RFPL1: variants seen among roughly 807,000 people sequenced by gnomAD.
RFPL1 encodes ret finger protein like 1, also known as ret finger protein-like 1.
In RFPL1, 6 loss-of-function variants were observed where a neutral mutation model predicts 9.6. That is an observed-to-expected ratio of 0.62 (90% CI 0.34 to 1.23). The LOEUF (loss-of-function observed/expected upper bound fraction) is 1.23. Ranked by LOEUF, RFPL1 falls within the 50% of genes most tolerant of loss-of-function variation. The pLI is 0.03. For missense variants in RFPL1, 352 were observed against 398.4 expected, an observed-to-expected ratio of 0.88 and a Z score of 0.99; for synonymous variants, 145 against 149.4, an observed-to-expected ratio of 0.97 and a Z score of 0.22.
the RFPL1 span, among the ~76,000 whole-genome samples, chr22:29,399,038 G>A: frequency 3.9e-5 from 6 of 152,170 alleles, no homozygotes; most frequent in African/African-American, 9.7e-5. Flanking sequence ...TGTGTGTCAC[G>A]TGTTAAGGGC....
At chr22:29,422,808 T>TACACACAC in the RFPL1 span, among the ~76,000 whole-genome samples, 1,455 of 150,224 alleles carry the variant, frequency 9.7e-3, 18 homozygotes, top group African/African-American at 0.033. Flanking sequence ...AACACACACA[T>TACACACAC]ACACACACAC....
chr22:29,410,282 ATC>A, the RFPL1 span, among the ~76,000 whole-genome samples: 4 of 112,646 alleles, frequency 3.6e-5, no homozygotes, highest in African/African-American at 7.0e-5. Context: ...ATATATATAG[ATC>A]TATATATATG....
At chr22:29,420,920 C>G in the RFPL1 span, among the ~76,000 whole-genome samples, 9 of 152,068 alleles carry the variant, frequency 5.9e-5, no homozygotes, top group East Asian at 1.7e-3. Context: ...GGATTACAGG[C>G]GTGATCCACC....
At chr22:29,396,834 C>A in the RFPL1 span, among the ~76,000 whole-genome samples, 1 of 151,880 alleles carries the variant, frequency 6.6e-6, no homozygotes, top group South Asian at 2.1e-4. Flanking sequence ...AGTGATCCAC[C>A]CACCTTGGCC....
At chr22:29,413,834 A>G in the RFPL1 span, among the ~76,000 whole-genome samples, 2 of 152,204 alleles carry the variant, frequency 1.3e-5, no homozygotes, top group African/African-American at 4.8e-5. Context: ...ACTTTAGCCA[A>G]TGTTTACACA....
At chr22:29,441,930 G>A (rs1309312891) in exon 2 of RFPL1, 6 of 1,613,456 alleles carry the variant, frequency 3.7e-6, no homozygotes, top group Non-Finnish European at 5.1e-6. Context: ...TGGGCATGCA[G>A]AACGTTTCCT....
chr22:29,391,600 T>G, the RFPL1 span, among the ~76,000 whole-genome samples: 2 of 152,086 alleles, frequency 1.3e-5, no homozygotes, highest in African/African-American at 2.4e-5. Context: ...GTCAGAGCTT[T>G]AAGATTTCCA....
chr22:29,437,271 G>A (rs1227432516), upstream of RFPL1: 1 of 180,262 alleles, frequency 5.5e-6, no homozygotes, highest in Non-Finnish European at 1.2e-5. Context: ...TATTACCTTT[G>A]AGTCTGATGT....
chr22:29,437,003 A>G (rs2062811816), upstream of RFPL1: 1 of 152,438 alleles, frequency 6.6e-6, no homozygotes, highest in African/African-American at 2.4e-5. Context: ...AATGGAAGAA[A>G]GCACAACTCA....
At chr22:29,415,255 T>A in the RFPL1 span, among the ~76,000 whole-genome samples, 1 of 146,002 alleles carries the variant, frequency 6.8e-6, no homozygotes, top group Non-Finnish European at 1.5e-5. Context: ...CAAGTCAAAA[T>A]CAAAACCAAA....
chr22:29,390,165 C>T, the RFPL1 span, among the ~76,000 whole-genome samples: 63 of 152,136 alleles, frequency 4.1e-4, no homozygotes, highest in Non-Finnish European at 7.4e-4. Context: ...TTGGCACTTT[C>T]CAGTATCTGC....
At chr22:29,391,806 T>C in the RFPL1 span, among the ~76,000 whole-genome samples, 3 of 152,130 alleles carry the variant, frequency 2.0e-5, no homozygotes, top group Admixed American at 6.5e-5. Flanking sequence ...GAGCCAGGTG[T>C]CTGAGTCCTG....
the RFPL1 span, among the ~76,000 whole-genome samples, chr22:29,425,509 G>T: frequency 2.0e-5 from 3 of 152,118 alleles, no homozygotes; most frequent in South Asian, 6.2e-4. Context: ...CCTGCAGATG[G>T]AGCAGGCCTA....
chr22:29,410,771 G>T, the RFPL1 span, among the ~76,000 whole-genome samples: 1 of 150,596 alleles, frequency 6.6e-6, no homozygotes, highest in African/African-American at 2.4e-5. Flanking sequence ...TCCGGCTTCC[G>T]CATCCCGAGT....
the RFPL1 span, among the ~76,000 whole-genome samples, chr22:29,392,068 T>TTTG: frequency 2.7e-4 from 41 of 152,206 alleles, 1 homozygote; most frequent in East Asian, 7.7e-3. Context: ...GTAGAAGGTT[T>TTTG]TTGTTGTTGT....
At chr22:29,398,454 C>G in the RFPL1 span, among the ~76,000 whole-genome samples, 9 of 152,196 alleles carry the variant, frequency 5.9e-5, no homozygotes, top group Non-Finnish European at 1.2e-4. Context: ...GGGGCAGGCA[C>G]AGTTGTTATC....
the RFPL1 span, among the ~76,000 whole-genome samples, chr22:29,398,029 C>A: frequency 6.6e-6 from 1 of 152,000 alleles, no homozygotes; most frequent in African/African-American, 2.4e-5. Context: ...ATTCCCCACG[C>A]AAAGCAGCAA....
the RFPL1 span, among the ~76,000 whole-genome samples, chr22:29,407,425 A>T: frequency 6.6e-6 from 1 of 152,008 alleles, no homozygotes; most frequent in African/African-American, 2.4e-5. Context: ...CACAATTTTT[A>T]AAATGTAACT....
chr22:29,428,772 T>C, the RFPL1 span, among the ~76,000 whole-genome samples: 3 of 152,112 alleles, frequency 2.0e-5, no homozygotes, highest in African/African-American at 7.2e-5. Context: ...AAGATGGAAA[T>C]TGAAAAATGT....
Sources: gnomAD v4.1 joint callset for allele counts (sites outside exome capture counted in the v4.1 genomes callset) on GRCh38, gnomAD v4.1.1 for gene constraint, MANE v1.5 for transcripts, NCBI Gene and HGNC (gene_info 2026-07-23, HGNC 2026-07-21) for gene names.